ZFP1: variants seen among roughly 807,000 people sequenced by gnomAD.
The protein encoded by ZFP1 is zinc finger protein 1 homolog.
Under a neutral mutation model 38.5 loss-of-function variants are expected in ZFP1, and 32 were observed. The observed-to-expected ratio is 0.83, with a 90% confidence interval of 0.63 to 1.12. ZFP1 has a LOEUF of 1.12. Ranked by LOEUF, ZFP1 falls within the 50% of genes most tolerant of loss-of-function variation. The pLI is 0.00. For missense variants in ZFP1, 616 were observed against 480.8 expected, an observed-to-expected ratio of 1.28 and a Z score of -2.63; for synonymous variants, 245 against 168.8, an observed-to-expected ratio of 1.45 and a Z score of -3.50.
the ZFP1 span, among the ~76,000 whole-genome samples, chr16:75,133,275 C>T: frequency 6.6e-6 from 1 of 152,074 alleles, no homozygotes; most frequent in African/African-American, 2.4e-5. Flanking sequence ...CGTGCCTGGC[C>T]TTTAACTTTT....
the ZFP1 span, among the ~76,000 whole-genome samples, chr16:75,135,121 G>A: frequency 6.9e-6 from 1 of 144,094 alleles, no homozygotes; most frequent in Admixed American, 7.3e-5. Flanking sequence ...GACGTAGAAG[G>A]ATTGCTTGAA....
intron 2 of ZFP1, among the ~76,000 whole-genome samples, chr16:75,162,609 T>C (rs530916929): frequency 2.0e-5 from 3 of 152,300 alleles, no homozygotes; most frequent in East Asian, 3.9e-4. Context: ...TGGGGTATGA[T>C]TGATCATGTC....
chr16:75,137,190 G>A, the ZFP1 span, among the ~76,000 whole-genome samples: 11 of 152,148 alleles, frequency 7.2e-5, no homozygotes, highest in East Asian at 3.9e-4. Context: ...GCATGTCAAA[G>A]GGGCCCAGGA....
Position 75,169,677 on chromosome 16 carries a change from T to TGA in ZFP1, c.568_569dup (p.Asp190GlufsTer155). 6.2e-7 allele frequency: 1 copy of TGA among 1,609,882 alleles called. No homozygotes were observed. The highest frequency in any genetic ancestry group is 8.5e-7 in the Non-Finnish European group (1 of 1,178,644). On this transcript the variant is annotated frameshift_variant, in exon 4 of 4. Transcript: ENST00000570010. LOFTEE classifies it high-confidence loss of function. ...TTCAACCTTTCATTTGTACTTACTG[T>TGA]GACAAGGCTTTCTCCTTTAAGTCAC...
chr16:75,154,694 G>A (rs906742786), intron 2 of ZFP1, among the ~76,000 whole-genome samples: 3 of 151,996 alleles, frequency 2.0e-5, no homozygotes, highest in Admixed American at 6.6e-5. Flanking sequence ...CTCCAAAGCC[G>A]AGAGAGGGAA....
rs566922512 is a variant in ZFP1, at chr16:75,170,967, T to A, written c.*633T>A. Reference sequence around the variant, plus strand: ...GGAAACAGAAGACAGTGTTGAAGTTTTCCCTGCTTCTGGTTTGCTGAAGAT... The same window carrying A: ...GGAAACAGAAGACAGTGTTGAAGTTATCCCTGCTTCTGGTTTGCTGAAGAT... On this transcript the variant is annotated 3_prime_UTR_variant, in exon 4 of 4. Transcript: ENST00000570010. 1 of 152,442 alleles carries A rather than the reference T, an allele frequency of 6.6e-6. No homozygotes were observed. Among genetic ancestry groups the A allele is most frequent in the African/African-American group, 2.4e-5 (1 of 41,600 alleles). The allele number at this position is 152,442 out of a possible 1,614,324, so 9.4% of individuals were successfully genotyped here. A position where few individuals can be genotyped will look rare whatever the true frequency, so the allele number is the denominator to read the frequency against.
chr16:75,129,999 T>A, the ZFP1 span, among the ~76,000 whole-genome samples: 1 of 152,122 alleles, frequency 6.6e-6, no homozygotes, highest in Admixed American at 6.5e-5. Flanking sequence ...GTGGTTTTTT[T>A]GTTTTTTGTT....
chr16:75,135,209 CA>C, the ZFP1 span, among the ~76,000 whole-genome samples: 27 of 14,960 alleles, frequency 1.8e-3, no homozygotes, highest in South Asian at 0.023. Context: ...GACCTTATCT[CA>C]AAAAAAAAAA....
the ZFP1 span, among the ~76,000 whole-genome samples, chr16:75,137,461 C>CCTTT: frequency 1.5e-4 from 13 of 89,408 alleles, no homozygotes; most frequent in African/African-American, 5.7e-4. Context: ...AAAAAAAATT[C>CCTTT]TTTTTTTTTT....
At chr16:75,166,636 GAAC>G (rs2038097697) in intron 2 of ZFP1, 131 bp from the exon 3 acceptor site, 1 of 1,509,236 alleles carries the variant, frequency 6.6e-7, no homozygotes, top group African/African-American at 1.4e-5. Context: ...TGGAAGACAT[GAAC>G]AAAAACAGTG....
chr16:75,127,551 C>T, the ZFP1 span, among the ~76,000 whole-genome samples: 1 of 152,056 alleles, frequency 6.6e-6, no homozygotes. Context: ...GAACTCCTGG[C>T]CTCAAGAGAT....
At chr16:75,150,974 C>T (rs2145495710) in intron 1 of ZFP1, among the ~76,000 whole-genome samples, 1 of 152,194 alleles carries the variant, frequency 6.6e-6, no homozygotes, top group Admixed American at 6.5e-5. Flanking sequence ...CCTTTTGCCT[C>T]AGCCTCCGGA....
In ZFP1 at chr16:75,160,775, T is replaced by G. The variant is rs146150693; in HGVS notation, c.16-5995T>G. ...TCTTCCAGGATGGCACTTGAAATGC[T>G]GCATCCTTCAGAGGGGAGGAGTGCT... is the stretch of plus-strand genomic sequence containing the variant. On this transcript the variant is annotated intron_variant, in intron 2 of 3. Transcript: ENST00000570010. 7.6e-4 allele frequency among the ~76,000 whole-genome samples: 116 copies of G among 152,280 alleles called. 2 individuals carry two copies. The highest frequency in any genetic ancestry group is 2.7e-3 in the African/African-American group (114 of 41,566).
At chr16:75,119,029 G>A in the ZFP1 span, among the ~76,000 whole-genome samples, 6 of 152,250 alleles carry the variant, frequency 3.9e-5, no homozygotes, top group Admixed American at 1.3e-4. Context: ...TTCATCTTAC[G>A]TATGTTGAGT....
chr16:75,157,301 G>A (rs2037520085), intron 2 of ZFP1: 1 of 138,736 alleles, frequency 7.2e-6, no homozygotes, highest in Admixed American at 7.9e-5. Flanking sequence ...CTGGGGTGCA[G>A]TGGTGTGATC....
In ZFP1 at chr16:75,172,081, T is replaced by TA. The variant is rs1204186733; in HGVS notation, c.*1752dup. ...AAGGGAATGGATGAATAAATTGTGGTAAAAACATACCATGGCTGAATGGTA... is the reference window on the plus strand; with the variant it reads ...AAGGGAATGGATGAATAAATTGTGGTAAAAAACATACCATGGCTGAATGGTA... On this transcript the variant is annotated 3_prime_UTR_variant, in exon 4 of 4. Transcript: ENST00000570010. 6.6e-6 allele frequency: 1 copy of TA among 152,172 alleles called. No homozygotes were observed. The highest frequency in any genetic ancestry group is 2.4e-5 in the African/African-American group (1 of 41,440). 9.4% of individuals were successfully genotyped at this position (152,172 alleles called of 1,614,324 possible). A position where few individuals can be genotyped will look rare whatever the true frequency, so the allele number is the denominator to read the frequency against.
chr16:75,156,954 G>A (rs192624202), intron 2 of ZFP1, among the ~76,000 whole-genome samples: 260 of 152,292 alleles, frequency 1.7e-3, no homozygotes, highest in Non-Finnish European at 3.3e-3. Context: ...TACAGTGGCC[G>A]CAGGTATCTT....
the ZFP1 span, among the ~76,000 whole-genome samples, chr16:75,142,203 A>C: frequency 3.9e-5 from 5 of 126,714 alleles, no homozygotes; most frequent in East Asian, 1.0e-3. Flanking sequence ...TAAAAATACA[A>C]AAAAAAAAAA....
At chr16:75,123,634 T>C in the ZFP1 span, among the ~76,000 whole-genome samples, 2 of 150,144 alleles carry the variant, frequency 1.3e-5, no homozygotes, top group African/African-American at 4.9e-5. Context: ...CATGCCACCA[T>C]GTCTGGCTAA....
Sources: allele counts gnomAD v4.1 joint callset (sites outside exome capture counted in the v4.1 genomes callset), GRCh38; gene constraint gnomAD v4.1.1; transcripts MANE v1.5; gene names NCBI Gene and HGNC (gene_info 2026-07-23, HGNC 2026-07-21).